Variants in PHF3 observed in about 807,000 individuals in gnomAD.
PHF3 encodes PHD finger protein 3.
A neutral mutation model predicts 178.4 loss-of-function variants in PHF3; 41 were observed. The observed-to-expected ratio is 0.23, with a 90% CI of 0.18 to 0.30. The LOEUF (loss-of-function observed/expected upper bound fraction) is 0.30. Among genes scored for constraint, PHF3 ranks in the 10% least tolerant of loss-of-function variants. The pLI, the probability that PHF3 is intolerant of heterozygous loss-of-function variation, is 1.00. For missense variants in PHF3, 2,346 were observed against 2,398.1 expected, an observed-to-expected ratio of 0.98 and a Z score of 0.45; for synonymous variants, 842 against 800.5, an observed-to-expected ratio of 1.05 and a Z score of -0.88.
chr6:63,669,781 A>C (rs1314402823), intron 2 of PHF3, among the ~76,000 whole-genome samples: 3 of 152,218 alleles, frequency 2.0e-5, no homozygotes, highest in Admixed American at 2.0e-4. Context: ...GATAACAGGA[A>C]GCATTTACTG....
At chr6:63,641,642 A>AT (rs1013538321) in intron 1 of PHF3, among the ~76,000 whole-genome samples, 19 of 140,908 alleles carry the variant, frequency 1.3e-4, no homozygotes, top group Admixed American at 2.1e-4. Context: ...GTAAAGTGTA[A>AT]TTTTTTTTTT....
Position 63,709,049 on chromosome 6 carries a change from A to T in PHF3, c.3712-102A>T, listed in dbSNP as rs1452008513. 5.2e-6 allele frequency: 3 copies of T among 578,784 alleles called. No individual in the cohort carries two copies. The African/African-American group carries it at 5.9e-5, about 11-fold the overall frequency. 35.9% of individuals were successfully genotyped at this position (578,784 alleles called of 1,614,324 possible). Reference sequence around the variant, plus strand: ...ATCTCTTTATTTACTTGTTTTTATTACTGTTTCAAATTAGTCTTAGAATCA... The same window carrying T: ...ATCTCTTTATTTACTTGTTTTTATTTCTGTTTCAAATTAGTCTTAGAATCA... On this transcript the variant is annotated intron_variant, in intron 13 of 15. Coordinates refer to ENST00000262043, the MANE Select transcript of PHF3 (RefSeq NM_001370348.2).
At chr6:63,667,724 T>TA (rs1316044797) in intron 2 of PHF3, among the ~76,000 whole-genome samples, 1 of 152,228 alleles carries the variant, frequency 6.6e-6, no homozygotes, top group Non-Finnish European at 1.5e-5. Flanking sequence ...TTTCCATTGA[T>TA]ACATTTTGAA....
intron 4 of PHF3, among the ~76,000 whole-genome samples, chr6:63,688,903 TG>T (rs1212830469): frequency 3.9e-5 from 6 of 152,262 alleles, no homozygotes; most frequent in Non-Finnish European, 8.8e-5. Context: ...GCAACAGCTT[TG>T]CCTCTGTAAA....
rs751838478 is a variant in PHF3, at chr6:63,713,575, C to G, written c.5987C>G (p.Pro1996Arg). ...SRDSRNVDKK[P>R]DKPKSEDYEK... ...GATAGTAGGAATGTAGACAAGAAGC[C>G]AGATAAACCTAAAAGTGAAGACTAT... Residue 1996 changes from proline to arginine, a missense_variant, in exon 16 of 16, where the codon CCA becomes CGA. Transcript: ENST00000262043. 6.2e-7 allele frequency: 1 copy of G among 1,613,432 alleles called. No homozygotes were observed. Among genetic ancestry groups the G allele is most frequent in the South Asian group, 1.1e-5 (1 of 91,052 alleles).
At chr6:63,658,306 C>T (rs1765322143) in intron 2 of PHF3, among the ~76,000 whole-genome samples, 1 of 152,176 alleles carries the variant, frequency 6.6e-6, no homozygotes, top group Non-Finnish European at 1.5e-5. Context: ...GTTTTCTCTT[C>T]ATCTCCTAGA....
Position 63,698,440 on chromosome 6 carries a change from A to T in PHF3, c.2826-9A>T, listed in dbSNP as rs755367213. 2 of 1,589,356 alleles carry T rather than the reference A, an allele frequency of 1.3e-6. No homozygotes were observed. The highest frequency in any genetic ancestry group is 2.7e-5 in the African/African-American group (2 of 73,630). On this transcript the variant is annotated splice_polypyrimidine_tract_variant and intron_variant, in intron 7 of 15. Transcript: ENST00000262043. ...ATTTGAAAAATAATTGAATTGTTCT[A>T]ATTTTAAGACTTACAGACTCAAATT...
intron 12 of PHF3, among the ~76,000 whole-genome samples, chr6:63,706,514 A>T (rs1022383843): frequency 1.3e-5 from 2 of 152,220 alleles, no homozygotes; most frequent in African/African-American, 4.8e-5. Context: ...CACTTTTCTC[A>T]ATCTTAGTTC....
intron 12 of PHF3, 52 bp downstream of exon 12, chr6:63,706,276 AT>A: frequency 1.5e-6 from 2 of 1,366,118 alleles, no homozygotes; most frequent in Non-Finnish European, 2.0e-6. Flanking sequence ...TCTTTGCCAG[AT>A]TATACTTGCA....
intron 10 of PHF3, 139 bp from the exon 11 acceptor site, chr6:63,703,397 A>T: frequency 2.4e-6 from 2 of 848,940 alleles, no homozygotes; most frequent in Non-Finnish European, 3.6e-6. Flanking sequence ...AGTAAAAAAA[A>T]ACCAAAAAAC....
intron 2 of PHF3, chr6:63,678,998 G>A: frequency 4.1e-6 from 1 of 242,358 alleles, no homozygotes; most frequent in South Asian, 5.0e-5. Flanking sequence ...CATCTCACTT[G>A]ATCCTCACAA....
intron 4 of PHF3, among the ~76,000 whole-genome samples, chr6:63,690,645 CT>C (rs1322528446): frequency 6.6e-6 from 1 of 152,120 alleles, no homozygotes; most frequent in Non-Finnish European, 1.5e-5. Context: ...GTAGCACGGT[CT>C]TTAGATTGTT....
chr6:63,707,725 CT>C (rs3839636), intron 13 of PHF3, among the ~76,000 whole-genome samples: 12,637 of 133,070 alleles, frequency 0.095, 543 homozygotes, highest in East Asian at 0.18. Flanking sequence ...ATTTGCCTGT[CT>C]TTTTTTTTTT....
At position 63,721,016 on chromosome 6, in the gene PHF3, T is replaced by G. The variant is rs1768361467; in HGVS notation, c.*7308T>G. ...GGAGACCAATTGCCAGAAAATCATT[T>G]TCTTCATTTTGAGCTATTCCCATCC... On this transcript the variant is annotated 3_prime_UTR_variant, in exon 16 of 16. Coordinates refer to ENST00000262043, the MANE Select transcript of PHF3 (RefSeq NM_001370348.2). 6.4e-7 allele frequency: 1 copy of G among 1,551,236 alleles called. No homozygotes were observed. Among genetic ancestry groups the G allele is most frequent in the South Asian group, 1.2e-5 (1 of 84,062 alleles).
At chr6:63,690,260 TC>T (rs1336273100) in intron 4 of PHF3, among the ~76,000 whole-genome samples, 1 of 152,038 alleles carries the variant, frequency 6.6e-6, no homozygotes. Context: ...ACCAAATTAA[TC>T]CCTAGGGAAA....
Position 63,698,521 on chromosome 6 carries a change from T to C in PHF3, c.2898T>C (p.Leu966=). Residue 966 remains leucine (L), a synonymous_variant, in exon 8 of 16, where the codon CTT becomes CTC. Coordinates refer to ENST00000262043, the MANE Select transcript of PHF3 (RefSeq NM_001370348.2). ...AKVATKIEKE[L]FSFFRDTDAK... ...TTGCCACAAAAATTGAGAAAGAGCTTTTCTCTTTTTTTCGGGACACAGATG... is the reference window on the plus strand; with the variant it reads ...TTGCCACAAAAATTGAGAAAGAGCTCTTCTCTTTTTTTCGGGACACAGATG... 2 of 1,603,472 alleles carry C rather than the reference T, an allele frequency of 1.2e-6. No homozygotes were observed. The highest frequency in any genetic ancestry group is 1.1e-5 in the South Asian group (1 of 88,132).
intron 2 of PHF3, among the ~76,000 whole-genome samples, chr6:63,647,130 A>G (rs1470860546): frequency 6.6e-6 from 1 of 151,504 alleles, no homozygotes; most frequent in African/African-American, 2.4e-5. Flanking sequence ...GTAAATTGGG[A>G]CTCTTTAGTA....
At chr6:63,657,061 T>C (rs148208248) in intron 2 of PHF3, among the ~76,000 whole-genome samples, 16 of 152,330 alleles carry the variant, frequency 1.1e-4, no homozygotes, top group African/African-American at 3.6e-4. Context: ...TGGGAACTTT[T>C]CTTGTGTTTT....
chr6:63,646,334 CATT>C (rs763583203), intron 1 of PHF3, among the ~76,000 whole-genome samples, 190 bp from the exon 2 acceptor site: 2 of 151,544 alleles, frequency 1.3e-5, no homozygotes, highest in Non-Finnish European at 2.9e-5. Context: ...GATGAAGAAA[CATT>C]ATTTAGTAAA....
Sources: gnomAD v4.1 joint callset for allele counts (sites outside exome capture counted in the v4.1 genomes callset) on GRCh38, gnomAD v4.1.1 for gene constraint, MANE v1.5 for transcripts, NCBI Gene and HGNC (gene_info 2026-07-23, HGNC 2026-07-21) for gene names.